Variants in GRAMD1B observed in about 807,000 individuals in gnomAD.
GRAMD1B encodes GRAM domain containing 1B.
GRAMD1B carries 37 observed loss-of-function variants against 99.7 expected under a neutral mutation model. The observed-to-expected ratio is 0.37, with a 90% confidence interval of 0.29 to 0.49. The LOEUF is 0.49. Ranked by LOEUF, GRAMD1B falls within the 20% of genes least tolerant of loss-of-function variation. The pLI, the probability that GRAMD1B is intolerant of heterozygous loss-of-function variation, is 0.98. For missense variants in GRAMD1B, 888 were observed against 1,009.2 expected (o/e 0.88, Z 1.63); for synonymous variants, 427 against 387.6 (o/e 1.10, Z -1.19).
At chr11:123,415,933 A>G (rs1030744823) in intron 1 of GRAMD1B, among the ~76,000 whole-genome samples, 1 of 152,184 alleles carries the variant, frequency 6.6e-6, no homozygotes, top group Admixed American at 6.5e-5. Context: ...GCAGTAGCTC[A>G]GCCAACAGTT....
At chr11:123,413,729 C>T (rs1377340102) in intron 1 of GRAMD1B, among the ~76,000 whole-genome samples, 1 of 152,088 alleles carries the variant, frequency 6.6e-6, no homozygotes, top group African/African-American at 2.4e-5. Context: ...CCACCCCCAC[C>T]CCAGCTTCCA....
chr11:123,372,033 G>T (rs1946545320), intron 1 of GRAMD1B, among the ~76,000 whole-genome samples: 1 of 152,152 alleles, frequency 6.6e-6, no homozygotes, highest in East Asian at 1.9e-4. Flanking sequence ...TGTTTTATCT[G>T]CCTGTTGCTT....
chr11:123,397,128 G>A (rs1947491237), intron 1 of GRAMD1B, among the ~76,000 whole-genome samples: 1 of 152,142 alleles, frequency 6.6e-6, no homozygotes, highest in Non-Finnish European at 1.5e-5. Flanking sequence ...AACAGGCCAG[G>A]TGTGGTGTCC....
At chr11:123,513,636 T>TTCTTTCTTTCTTTCTTTCTC (rs1424698656) in intron 2 of GRAMD1B, among the ~76,000 whole-genome samples, 2 of 142,962 alleles carry the variant, frequency 1.4e-5, no homozygotes, top group African/African-American at 5.2e-5. Context: ...CTTTCTTTCT[T>TTCTTTCTTTCTTTCTTTCTC]TCTTTCTTTT....
At chr11:123,469,797 T>TTCCTTCCTTCCTTCCTTCCTTCCG (rs1950915212) in intron 1 of GRAMD1B, among the ~76,000 whole-genome samples, 1 of 150,984 alleles carries the variant, frequency 6.6e-6, no homozygotes, top group Non-Finnish European at 1.5e-5. Context: ...CCTTCCTTCC[T>TTCCTTCCTTCCTTCCTTCCTTCCG]TCCTTCCTTC....
chr11:123,363,828 A>T (rs931129264), intron 1 of GRAMD1B, among the ~76,000 whole-genome samples: 5 of 152,202 alleles, frequency 3.3e-5, no homozygotes, highest in Non-Finnish European at 5.9e-5. Context: ...ACTTGGTGAG[A>T]ACACAAAGCA....
chr11:123,609,961 G>A (rs1953317512), intron 13 of GRAMD1B, 48 bp downstream of exon 13: 2 of 1,121,890 alleles, frequency 1.8e-6, no homozygotes, highest in Non-Finnish European at 2.7e-6. Flanking sequence ...AAAATCCTGT[G>A]TTCTGTCTTG....
chr11:123,401,911 A>AAAAAG (rs1327111011), intron 1 of GRAMD1B, among the ~76,000 whole-genome samples: 6 of 152,138 alleles, frequency 3.9e-5, no homozygotes, highest in African/African-American at 1.4e-4. Flanking sequence ...CTGTCTTAAA[A>AAAAAG]AAAAGAAAAG....
At chr11:123,537,461 T>G (rs1243505882) in intron 2 of GRAMD1B, among the ~76,000 whole-genome samples, 2 of 152,194 alleles carry the variant, frequency 1.3e-5, no homozygotes, top group Non-Finnish European at 2.9e-5. Context: ...TTCACAAACC[T>G]GAGGATGCAA....
intron 1 of GRAMD1B, among the ~76,000 whole-genome samples, chr11:123,380,927 T>C (rs544225754): frequency 6.6e-6 from 1 of 152,292 alleles, no homozygotes; most frequent in African/African-American, 2.4e-5. Flanking sequence ...CACTCCCTTC[T>C]TCTCTACGTA....
chr11:123,599,041 G>A (rs1177481219), intron 7 of GRAMD1B: 8 of 1,097,122 alleles, frequency 7.3e-6, no homozygotes, highest in Middle Eastern at 2.5e-4. Context: ...TCGAGGTAAC[G>A]ACCATATCCC....
chr11:123,494,418 C>A (rs2135070892), intron 2 of GRAMD1B, among the ~76,000 whole-genome samples: 1 of 148,116 alleles, frequency 6.8e-6, no homozygotes, highest in African/African-American at 2.5e-5. Context: ...GCACTTAAGG[C>A]CTTTTTTTTT....
At chr11:123,498,504 C>T (rs928151723) in intron 2 of GRAMD1B, among the ~76,000 whole-genome samples, 3 of 152,198 alleles carry the variant, frequency 2.0e-5, no homozygotes, top group Admixed American at 6.5e-5. Flanking sequence ...AAACCAGTTA[C>T]GGTAATTGCT....
intron 2 of GRAMD1B, among the ~76,000 whole-genome samples, chr11:123,495,527 C>T (rs1042438265): frequency 6.6e-6 from 1 of 151,988 alleles, no homozygotes; most frequent in African/African-American, 2.4e-5. Flanking sequence ...TTTTTCTGTA[C>T]CCATTGATCA....
intron 1 of GRAMD1B, among the ~76,000 whole-genome samples, chr11:123,455,005 T>C (rs1180684355): frequency 6.6e-6 from 1 of 152,226 alleles, no homozygotes; most frequent in Non-Finnish European, 1.5e-5. Flanking sequence ...AAGGATGTTT[T>C]ATGAGCACTT....
At chr11:123,524,352 T>TA (rs1313763252) in intron 2 of GRAMD1B, among the ~76,000 whole-genome samples, 1 of 151,646 alleles carries the variant, frequency 6.6e-6, no homozygotes, top group Non-Finnish European at 1.5e-5. Flanking sequence ...TATTTTATTT[T>TA]TTGTTTGAGA....
At chr11:123,482,280 G>A (rs1271479694) in intron 2 of GRAMD1B, among the ~76,000 whole-genome samples, 1 of 151,968 alleles carries the variant, frequency 6.6e-6, no homozygotes, top group Non-Finnish European at 1.5e-5. Context: ...TATATTTTTA[G>A]TAGAGACGGG....
chr11:123,417,020 G>A (rs1039573525), intron 1 of GRAMD1B, among the ~76,000 whole-genome samples: 3 of 152,174 alleles, frequency 2.0e-5, no homozygotes, highest in African/African-American at 4.8e-5. Context: ...TATGGGAGAC[G>A]AAGTAACTAT....
At chr11:123,432,081 T>A in intron 1 of GRAMD1B, 1 of 398,648 alleles carries the variant, frequency 2.5e-6, no homozygotes, top group Non-Finnish European at 4.4e-6. Context: ...TCACTTTCCC[T>A]GGAATTCCTT....
Sources: gnomAD v4.1 joint callset for allele counts (sites outside exome capture counted in the v4.1 genomes callset) on GRCh38, gnomAD v4.1.1 for gene constraint, MANE v1.5 for transcripts, NCBI Gene and HGNC (gene_info 2026-07-23, HGNC 2026-07-21) for gene names.